The following PIK3R3 variants were observed in gnomAD, a reference collection of about 807,000 sequenced individuals.
PIK3R3 encodes phosphoinositide-3-kinase regulatory subunit 3.
A neutral mutation model predicts 62.9 loss-of-function variants in PIK3R3; 64 were observed. The ratio of observed to expected loss-of-function variants is 1.02; its 90% CI spans 0.83 to 1.25. The LOEUF (loss-of-function observed/expected upper bound fraction) is 1.25, where lower values mean the gene tolerates loss of function less well. PIK3R3 is among the 50% of genes most tolerant of loss of function. The pLI is 0.00. For synonymous variants in PIK3R3, 165 were observed against 189.0 expected (o/e 0.87, Z 1.04); for missense variants, 614 against 561.6 (o/e 1.09, Z -0.94).
At chr1:46,133,088 G>A (rs1328171536), upstream of PIK3R3, 15 of 964,174 alleles carry the variant, frequency 1.6e-5, no homozygotes, top group Non-Finnish European at 1.9e-5. Flanking sequence ...GCGAAGGAGC[G>A]GGAGACGGCT....
At chr1:46,121,341 A>C (rs1374759677) in intron 1 of PIK3R3, among the ~76,000 whole-genome samples, 1 of 152,182 alleles carries the variant, frequency 6.6e-6, no homozygotes, top group African/African-American at 2.4e-5. Context: ...TAAAAAGGTC[A>C]CTCTATCCTC....
chr1:46,136,403 T>G (rs1655933858), upstream of PIK3R3, among the ~76,000 whole-genome samples: 2 of 152,354 alleles, frequency 1.3e-5, no homozygotes. Flanking sequence ...ACATCTCACC[T>G]GAAAATCAAT....
At chr1:46,149,630 A>G in the PIK3R3 span, among the ~76,000 whole-genome samples, 1 of 151,908 alleles carries the variant, frequency 6.6e-6, no homozygotes, top group South Asian at 2.1e-4. Context: ...TGCTGGGTCT[A>G]AGCGATTCTC....
At chr1:46,174,319 C>T in the PIK3R3 span, among the ~76,000 whole-genome samples, 1 of 152,124 alleles carries the variant, frequency 6.6e-6, no homozygotes, top group Admixed American at 6.5e-5. Context: ...TTCAGCAACC[C>T]CCATCCCATA....
Position 46,040,844 on chromosome 1 carries a change from C to T in PIK3R3, c.*2829G>A, listed in dbSNP as rs1646983574. On this transcript the variant is annotated 3_prime_UTR_variant, in exon 10 of 10. Transcript: ENST00000262741. ...AGTGTTGGGAGGGCCTCATTCTTGGCCAGATCAGTGGTAAGGACGCAGGCA... is the reference window on the plus strand; with the variant it reads ...AGTGTTGGGAGGGCCTCATTCTTGGTCAGATCAGTGGTAAGGACGCAGGCA... The T allele has an allele frequency of 5.5e-6, 1 of 182,024 alleles. No individual in the cohort carries two copies. The highest frequency in any genetic ancestry group is 2.3e-5 in the African/African-American group (1 of 42,562). The allele number at this position is 182,024 out of a possible 1,614,324, so 11.3% of individuals were successfully genotyped here.
chr1:46,049,625 AG>A (rs1005473644), intron 7 of PIK3R3, among the ~76,000 whole-genome samples: 6 of 152,252 alleles, frequency 3.9e-5, no homozygotes, highest in Non-Finnish European at 7.3e-5. Context: ...ATGATTAGGC[AG>A]AGGAGCACCC....
At chr1:46,060,346 C>T (rs989687229) in intron 6 of PIK3R3, among the ~76,000 whole-genome samples, 13 of 152,058 alleles carry the variant, frequency 8.5e-5, no homozygotes, top group African/African-American at 2.7e-4. Context: ...AAAAATTAGC[C>T]GGGCATGGTG....
At chr1:46,052,185 T>G (rs1647423361) in intron 7 of PIK3R3, among the ~76,000 whole-genome samples, 1 of 152,000 alleles carries the variant, frequency 6.6e-6, no homozygotes, top group South Asian at 2.1e-4. Flanking sequence ...AATAGAACAA[T>G]TATAACAATA....
chr1:46,139,581 A>G, the PIK3R3 span, among the ~76,000 whole-genome samples: 1 of 152,354 alleles, frequency 6.6e-6, no homozygotes, highest in East Asian at 1.9e-4. Context: ...TGCTGGGATT[A>G]CAGGCATGTG....
At chr1:46,065,263 A>T (rs1186718154) in intron 5 of PIK3R3, among the ~76,000 whole-genome samples, 2 of 152,228 alleles carry the variant, frequency 1.3e-5, no homozygotes, top group African/African-American at 4.8e-5. Context: ...AAGTCTAGCT[A>T]AAAAACAATC....
chr1:46,108,809 TAACTC>T (rs1243827939), intron 1 of PIK3R3, among the ~76,000 whole-genome samples: 4 of 152,172 alleles, frequency 2.6e-5, no homozygotes, highest in Non-Finnish European at 5.9e-5. Flanking sequence ...TATTCAGTCT[TAACTC>T]TATTCTACTC....
At chr1:46,069,042 T>C (rs1010178076) in intron 3 of PIK3R3, among the ~76,000 whole-genome samples, 1 of 152,134 alleles carries the variant, frequency 6.6e-6, no homozygotes, top group South Asian at 2.1e-4. Context: ...AGGGTAGCAG[T>C]AGTAGAGGTC....
intron 7 of PIK3R3, among the ~76,000 whole-genome samples, chr1:46,054,974 C>A (rs1647737221): frequency 6.6e-6 from 1 of 152,132 alleles, no homozygotes; most frequent in African/African-American, 2.4e-5. Flanking sequence ...ACGATCTCGG[C>A]TCACTGCAAC....
At chr1:46,126,098 A>G (rs1655072553) in intron 1 of PIK3R3, among the ~76,000 whole-genome samples, 1 of 152,134 alleles carries the variant, frequency 6.6e-6, no homozygotes, top group Non-Finnish European at 1.5e-5. Flanking sequence ...AGGGTCCAAG[A>G]GGTCAGAACT....
At chr1:46,058,045 G>A (rs1387402586) in intron 6 of PIK3R3, among the ~76,000 whole-genome samples, 3 of 152,212 alleles carry the variant, frequency 2.0e-5, no homozygotes, top group Non-Finnish European at 1.5e-5. Context: ...CAGGGTCCCT[G>A]AGCTGTGTGC....
At chr1:46,127,598 G>A (rs1655209638) in intron 1 of PIK3R3, among the ~76,000 whole-genome samples, 1 of 152,210 alleles carries the variant, frequency 6.6e-6, no homozygotes, top group Non-Finnish European at 1.5e-5. Context: ...CAAAGGTGAC[G>A]CTCTTTGAGA....
chr1:46,055,893 C>T lies in PIK3R3; in HGVS notation c.843G>A (p.Leu281=). 6.2e-7 allele frequency: 1 copy of T among 1,610,128 alleles called. No homozygotes were observed. Among genetic ancestry groups the T allele is most frequent in the Non-Finnish European group, 8.5e-7 (1 of 1,177,250 alleles). ...CTCGGTTGTCCAAAGCTTGATTCTT[C>T]AAATCCTGCTCTAGACGCATTTTGC... The part of the protein sequence containing the change: ...HDSKMRLEQD[L]KNQALDNREI... The change falls in exon 7 of 10, where the codon TTG becomes TTA. Residue 281 remains leucine, a synonymous_variant. Transcript: ENST00000262741.
intron 5 of PIK3R3, among the ~76,000 whole-genome samples, chr1:46,063,573 G>C (rs764809195): frequency 8.5e-5 from 13 of 152,164 alleles, no homozygotes; most frequent in Non-Finnish European, 1.6e-4. Flanking sequence ...AGATATATTG[G>C]TAAGTAGAAC....
chr1:46,067,984 C>A (rs1301184553), intron 3 of PIK3R3, among the ~76,000 whole-genome samples: 1 of 152,190 alleles, frequency 6.6e-6, no homozygotes, highest in Non-Finnish European at 1.5e-5. Context: ...CCCATTCAAC[C>A]ATTCTTACAG....
Sources: gnomAD v4.1 joint callset for allele counts (sites outside exome capture counted in the v4.1 genomes callset) on GRCh38, gnomAD v4.1.1 for gene constraint, MANE v1.5 for transcripts, NCBI Gene and HGNC (gene_info 2026-07-23, HGNC 2026-07-21) for gene names.